The following LRP1B variants were observed in gnomAD, a reference collection of about 807,000 sequenced individuals.
The protein encoded by LRP1B is LDL receptor related protein 1B, also known as low-density lipoprotein receptor-related protein 1B.
Under a neutral mutation model 556.6 loss-of-function variants are expected in LRP1B, and 217 were observed. The ratio of observed to expected loss-of-function variants is 0.39; its 90% CI spans 0.35 to 0.44. The LOEUF (loss-of-function observed/expected upper bound fraction) is 0.44, where lower values mean the gene tolerates loss of function less well. LRP1B is among the 20% of genes least tolerant of loss of function. The pLI, the probability that LRP1B is intolerant of heterozygous loss-of-function variation, is 1.00. For missense variants in LRP1B, 5,053 were observed against 5,620.8 expected (o/e 0.90, Z 3.23); for synonymous variants, 2,047 against 1,865.8 (o/e 1.10, Z -2.50).
chr2:141,896,131 T>C (rs954709074), intron 1 of LRP1B, among the ~76,000 whole-genome samples: 5 of 152,166 alleles, frequency 3.3e-5, no homozygotes, highest in African/African-American at 9.6e-5. Flanking sequence ...CAAAATATAT[T>C]TGAAGTATCT....
chr2:142,030,853 T>C (rs1306557467), intron 1 of LRP1B, among the ~76,000 whole-genome samples: 8 of 151,870 alleles, frequency 5.3e-5, no homozygotes. Context: ...TACCAAGCAG[T>C]GTCACTGAAG....
chr2:141,462,667 TAATA>T lies in LRP1B; in HGVS notation c.343+17725_343+17728del, dbSNP rs1681929088. ...TCAGAACTCAAAAAAATAAAAAAAT[TAATA>T]AATAACAGGTGAAATTACCCCATCC... is the stretch of plus-strand genomic sequence containing the variant. On this transcript the variant is annotated intron_variant, in intron 3 of 90. Coordinates refer to ENST00000389484, the MANE Select transcript of LRP1B (RefSeq NM_018557.3). Among the ~76,000 whole-genome samples, 2 of 152,038 alleles carry T rather than the reference TAATA, an allele frequency of 1.3e-5. 1 individual carries two copies. Among genetic ancestry groups the T allele is most frequent in the South Asian group, 4.1e-4 (2 of 4,822 alleles).
chr2:142,124,034 TG>T (rs371282370), intron 1 of LRP1B, among the ~76,000 whole-genome samples: 176 of 151,588 alleles, frequency 1.2e-3, no homozygotes, highest in Middle Eastern at 0.01. Flanking sequence ...CAGAAAAACA[TG>T]TTTTTTTTAA....
intron 1 of LRP1B, among the ~76,000 whole-genome samples, chr2:142,076,890 T>C (rs1242810071): frequency 6.6e-6 from 1 of 152,100 alleles, no homozygotes; most frequent in Non-Finnish European, 1.5e-5. Context: ...TATATGTAAA[T>C]AGTTTTTGAG....
intron 41 of LRP1B, among the ~76,000 whole-genome samples, chr2:140,650,498 G>C (rs1186841887): frequency 2.0e-5 from 3 of 151,928 alleles, no homozygotes; most frequent in Non-Finnish European, 4.4e-5. Context: ...ACAGGTGCCT[G>C]CCACCATGGC....
rs115227493 is a variant in LRP1B, at chr2:141,283,657, G to A, written c.344-29016C>T. ...TTTTTTTGAGACGCAGTGTAGTGGC[G>A]CGGTCTCGGCTCACTGCAACCTCCA... On this transcript the variant is annotated intron_variant, in intron 3 of 90. Coordinates refer to ENST00000389484, the MANE Select transcript of LRP1B (RefSeq NM_018557.3). 5.3e-3 allele frequency among the ~76,000 whole-genome samples: 755 copies of A among 141,736 alleles called. 7 individuals are homozygous for A. Among genetic ancestry groups the A allele is most frequent in the African/African-American group, 0.018 (683 of 37,910 alleles). 93.0% of individuals were successfully genotyped at this position (141,736 alleles called of 152,430 possible). A position where few individuals can be genotyped will look rare whatever the true frequency, so the allele number is the denominator to read the frequency against.
intron 2 of LRP1B, among the ~76,000 whole-genome samples, chr2:141,744,595 C>A (rs1558845066): frequency 1.3e-5 from 2 of 152,292 alleles, no homozygotes; most frequent in East Asian, 1.9e-4. Context: ...GGTGAAGTCA[C>A]AAGCTATTAT....
chr2:140,604,807 GT>G (rs1327788562), intron 41 of LRP1B, among the ~76,000 whole-genome samples: 1 of 151,658 alleles, frequency 6.6e-6, no homozygotes, highest in Non-Finnish European at 1.5e-5. Context: ...ACAGTGGCAG[GT>G]TTTTCCATGC....
intron 2 of LRP1B, among the ~76,000 whole-genome samples, chr2:141,631,341 G>A (rs187930023): frequency 1.5e-4 from 23 of 152,068 alleles, no homozygotes; most frequent in African/African-American, 4.3e-4. Context: ...AGATTTGGGT[G>A]GGGACACAGC....
chr2:141,328,679 G>A (rs541676898), intron 3 of LRP1B, among the ~76,000 whole-genome samples: 1 of 152,306 alleles, frequency 6.6e-6, no homozygotes, highest in African/African-American at 2.4e-5. Context: ...TGTTCTGGGA[G>A]TATTTCTCCT....
intron 41 of LRP1B, among the ~76,000 whole-genome samples, chr2:140,632,141 A>T (rs1437965771): frequency 2.0e-5 from 3 of 152,252 alleles, no homozygotes; most frequent in African/African-American, 7.2e-5. Flanking sequence ...TGCAAAAGAA[A>T]TTTTGAAGAA....
At chr2:140,867,360 A>G (rs1439918872) in intron 27 of LRP1B, among the ~76,000 whole-genome samples, 2 of 152,064 alleles carry the variant, frequency 1.3e-5, no homozygotes, top group Non-Finnish European at 2.9e-5. Flanking sequence ...ATACAGGGGC[A>G]TCTTAGGAAT....
At position 140,516,955 on chromosome 2, in the gene LRP1B, T is replaced by C; in HGVS notation, c.8083A>G (p.Ile2695Val). Residue 2695 changes from isoleucine (I) to valine (V), a missense_variant, in exon 50 of 91, where the codon ATT becomes GTT. Physicochemically the swap from Ile to Val is conservative, Grantham distance 29 (BLOSUM62 3). Coordinates refer to ENST00000389484, the MANE Select transcript of LRP1B (RefSeq NM_018557.3). Reference protein sequence around the residue: ...NYFSCPSGRCILNTWICDGQK... With the variant: ...NYFSCPSGRCVLNTWICDGQK... ...CCATCGCATATCCAGGTATTCAAAA[T>C]GCATCTTCCACTAGGACAACTAAAA... 1 of 1,607,902 alleles carries C rather than the reference T, an allele frequency of 6.2e-7. No homozygotes were observed. Among genetic ancestry groups the C allele is most frequent in the Non-Finnish European group, 8.5e-7 (1 of 1,174,544 alleles).
chr2:141,775,487 A>G (rs572963607), intron 2 of LRP1B, among the ~76,000 whole-genome samples: 269 of 152,326 alleles, frequency 1.8e-3, no homozygotes, highest in Non-Finnish European at 3.0e-3. Context: ...TTCATTGTTC[A>G]TCAGTACAAG....
chr2:141,461,082 A>T (rs926669031), intron 3 of LRP1B, among the ~76,000 whole-genome samples: 11 of 152,204 alleles, frequency 7.2e-5, no homozygotes, highest in Non-Finnish European at 1.5e-4. Flanking sequence ...CTTTAAAGCC[A>T]TGAGAGTAAA....
intron 76 of LRP1B, among the ~76,000 whole-genome samples, chr2:140,352,748 G>A (rs1682029925): frequency 6.6e-6 from 1 of 152,024 alleles, no homozygotes; most frequent in African/African-American, 2.4e-5. Flanking sequence ...GATTTTAACA[G>A]TAACCATATA....
intron 2 of LRP1B, among the ~76,000 whole-genome samples, chr2:141,697,374 G>C (rs1391737214): frequency 6.6e-6 from 1 of 151,894 alleles, no homozygotes; most frequent in Non-Finnish European, 1.5e-5. Flanking sequence ...CATAGGTAGA[G>C]GGTTGCTGTT....
intron 2 of LRP1B, among the ~76,000 whole-genome samples, chr2:141,655,303 A>G (rs1054225587): frequency 6.6e-6 from 1 of 152,280 alleles, no homozygotes. Flanking sequence ...TCTTCATTTT[A>G]AGTGTGGTAG....
intron 1 of LRP1B, among the ~76,000 whole-genome samples, chr2:141,969,789 T>A (rs1348396699): frequency 1.3e-5 from 2 of 151,566 alleles, no homozygotes; most frequent in African/African-American, 4.8e-5. Flanking sequence ...TGTATTAAGA[T>A]CCCAGTAGTG....
Sources: allele counts gnomAD v4.1 joint callset (sites outside exome capture counted in the v4.1 genomes callset), GRCh38; gene constraint gnomAD v4.1.1; transcripts MANE v1.5; gene names NCBI Gene and HGNC (gene_info 2026-07-23, HGNC 2026-07-21).